MTUS2: variants seen among roughly 807,000 people sequenced by gnomAD.
MTUS2 encodes microtubule-associated tumor suppressor candidate 2.
Under a neutral mutation model 114.1 loss-of-function variants are expected in MTUS2, and 40 were observed. That is an observed-to-expected ratio of 0.35 (90% CI 0.27 to 0.46). The LOEUF (loss-of-function observed/expected upper bound fraction) is 0.46. Ranked by LOEUF, MTUS2 falls within the 20% of genes least tolerant of loss-of-function variation. MTUS2 has a pLI of 1.00. For synonymous variants in MTUS2, 688 were observed against 672.0 expected (o/e 1.02, Z -0.37); for missense variants, 1,679 against 1,705.4 (o/e 0.98, Z 0.27).
chr13:29,252,119 G>A (rs1484940175), intron 5 of MTUS2, among the ~76,000 whole-genome samples: 2 of 152,042 alleles, frequency 1.3e-5, no homozygotes, highest in Non-Finnish European at 2.9e-5. Context: ...AGACGCCAGG[G>A]CCTCTTCTCC....
intron 2 of MTUS2, among the ~76,000 whole-genome samples, chr13:28,841,617 G>A (rs562947257): frequency 1.3e-5 from 2 of 152,144 alleles, no homozygotes; most frequent in South Asian, 4.2e-4. Flanking sequence ...TGACAAGAGG[G>A]ATATTCAAGG....
intron 5 of MTUS2, among the ~76,000 whole-genome samples, chr13:29,261,379 G>C (rs1190936754): frequency 1.3e-5 from 2 of 152,154 alleles, no homozygotes; most frequent in Admixed American, 1.3e-4. Context: ...AGGGTTTAGG[G>C]CTCAGGTACA....
At chr13:29,486,098 A>T (rs572890071) in intron 10 of MTUS2, among the ~76,000 whole-genome samples, 65 of 152,338 alleles carry the variant, frequency 4.3e-4, no homozygotes, top group African/African-American at 1.5e-3. Flanking sequence ...ATAAACAGGA[A>T]TTGGACAATT....
At chr13:29,058,580 TTA>T (rs144628225) in intron 4 of MTUS2, among the ~76,000 whole-genome samples, 46,592 of 141,910 alleles carry the variant, frequency 0.33, 7,501 homozygotes, top group Admixed American at 0.37. Flanking sequence ...TTTTTTTTTT[TTA>T]ATTATTATTT....
rs779237388 is a variant in MTUS2, at chr13:29,024,690, G to A, written c.-9G>A. The A allele has an allele frequency of 1.2e-6, 2 of 1,612,790 alleles. No homozygotes were observed. Among genetic ancestry groups the A allele is most frequent in the East Asian group, 2.2e-5 (1 of 44,878 alleles). ...CTGCATGGCAAGCAGCCCCACCAAAGGGTTGACAATGAGCGTCCCAGTGGC... is the reference window on the plus strand; with the variant it reads ...CTGCATGGCAAGCAGCCCCACCAAAAGGTTGACAATGAGCGTCCCAGTGGC... On this transcript the variant is annotated 5_prime_UTR_variant, in exon 3 of 16. Transcript: ENST00000612955.
At chr13:28,926,728 T>A (rs1373452782) in intron 2 of MTUS2, among the ~76,000 whole-genome samples, 1 of 152,220 alleles carries the variant, frequency 6.6e-6, no homozygotes, top group East Asian at 1.9e-4. Context: ...TTATCAATCA[T>A]CTTTTCATTA....
chr13:28,892,076 T>A (rs2137916868), intron 2 of MTUS2, among the ~76,000 whole-genome samples: 1 of 152,240 alleles, frequency 6.6e-6, no homozygotes, highest in Non-Finnish European at 1.5e-5. Flanking sequence ...CACAGCCTTC[T>A]AGGCTTGTAA....
In MTUS2 at chr13:29,480,058, C is replaced by T. The variant is rs534135893; in HGVS notation, c.3185-92C>T. On this transcript the variant is annotated intron_variant, in intron 9 of 15. Transcript: ENST00000612955. The surrounding 1 kb of genome is among the most constrained non-coding windows in gnomAD (Gnocchi z 4.4). ...TCAGAGGACCTCGCCCTGTTTATTA[C>T]GCCAGCCTTGATGATCTGACCATGG... The T allele has an allele frequency of 3.6e-5, 48 of 1,320,274 alleles. No individual in the cohort carries two copies. Among genetic ancestry groups the T allele is most frequent in the Non-Finnish European group, 4.5e-5 (43 of 953,532 alleles). The allele number at this position is 1,320,274 out of a possible 1,614,324, so 81.8% of individuals were successfully genotyped here.
At chr13:29,128,431 G>A (rs914539450) in intron 5 of MTUS2, among the ~76,000 whole-genome samples, 4 of 152,186 alleles carry the variant, frequency 2.6e-5, no homozygotes, top group African/African-American at 9.6e-5. Flanking sequence ...ACAGGAAGGA[G>A]AGGAAAGGAT....
intron 2 of MTUS2, among the ~76,000 whole-genome samples, chr13:28,895,728 G>A (rs1168498147): frequency 6.6e-6 from 1 of 152,206 alleles, no homozygotes; most frequent in Non-Finnish European, 1.5e-5. Flanking sequence ...CAGAGAAGCA[G>A]TAGCCCTCCA....
chr13:29,170,356 A>G (rs1893505018), intron 5 of MTUS2, among the ~76,000 whole-genome samples: 1 of 152,150 alleles, frequency 6.6e-6, no homozygotes, highest in African/African-American at 2.4e-5. Flanking sequence ...AGCAACCTGA[A>G]ATGAAATTGT....
chr13:29,501,071 C>T (rs756209151), intron 14 of MTUS2, 26 bp from the exon 15 acceptor site: 2 of 1,599,702 alleles, frequency 1.3e-6, no homozygotes, highest in Non-Finnish European at 1.7e-6. Context: ...CTTGCTAGAA[C>T]CTCTTAAACA....
intron 2 of MTUS2, among the ~76,000 whole-genome samples, chr13:28,993,314 G>A (rs534404387): frequency 2.2e-4 from 33 of 152,128 alleles, no homozygotes; most frequent in Admixed American, 5.9e-4. Flanking sequence ...AGGAATTGCC[G>A]TACTGTTTTC....
intron 5 of MTUS2, among the ~76,000 whole-genome samples, chr13:29,127,222 T>C (rs1037026909): frequency 6.6e-6 from 1 of 151,738 alleles, no homozygotes; most frequent in Admixed American, 6.6e-5. Context: ...GAGTGAGAGG[T>C]CTCTGTCCTG....
chr13:29,324,163 T>G (rs1444882241), intron 6 of MTUS2, among the ~76,000 whole-genome samples: 2 of 152,156 alleles, frequency 1.3e-5, no homozygotes, highest in Non-Finnish European at 2.9e-5. Flanking sequence ...TCAGACCATG[T>G]CCCCCGTGGC....
At chr13:28,933,210 T>C (rs1881715719) in intron 2 of MTUS2, among the ~76,000 whole-genome samples, 1 of 151,586 alleles carries the variant, frequency 6.6e-6, no homozygotes, top group Non-Finnish European at 1.5e-5. Flanking sequence ...TTGGCCCACA[T>C]GATTGTGAGG....
intron 5 of MTUS2, among the ~76,000 whole-genome samples, chr13:29,258,520 T>G (rs1328963294): frequency 3.3e-5 from 5 of 152,216 alleles, no homozygotes; most frequent in African/African-American, 1.2e-4. Context: ...CTGCAGGGTG[T>G]GTCCACCAGG....
rs140530494 is a variant in MTUS2 at position 29,049,407 on chromosome 13, T to A, written c.2446+15282T>A. 8.1e-4 allele frequency among the ~76,000 whole-genome samples: 124 copies of A among 152,280 alleles called. 1 individual carries two copies. The highest frequency in any genetic ancestry group is 6.8e-3 in the Middle Eastern group (2 of 294). On this transcript the variant is annotated intron_variant, in intron 4 of 15. Transcript: ENST00000612955. The stretch of plus-strand genomic sequence containing the variant: ...ACCCATCTCTGACAGGCTGGCAGGA[T>A]CACAGCTGTGGAGCTGTCAGTCATA...
At chr13:28,999,190 G>T (rs1885266634) in intron 2 of MTUS2, among the ~76,000 whole-genome samples, 1 of 152,198 alleles carries the variant, frequency 6.6e-6, no homozygotes, top group Non-Finnish European at 1.5e-5. Flanking sequence ...CAGCAGTGGT[G>T]GCTGCAGAAC....
Sources: gnomAD v4.1 joint callset for allele counts (sites outside exome capture counted in the v4.1 genomes callset) on GRCh38, gnomAD v4.1.1 for gene constraint, Gnocchi (gnomAD v3.1) non-coding constraint, MANE v1.5 for transcripts, NCBI Gene and HGNC (gene_info 2026-07-23, HGNC 2026-07-21) for gene names.